ASPHD2: variants seen among roughly 807,000 people sequenced by gnomAD.
ASPHD2 encodes aspartate beta-hydroxylase domain containing 2.
In ASPHD2, 12 loss-of-function variants were observed where a neutral mutation model predicts 34.6. The ratio of observed to expected loss-of-function variants is 0.35; its 90% CI spans 0.22 to 0.56. ASPHD2 has a LOEUF of 0.56. Among genes scored for constraint, ASPHD2 ranks in the 20% least tolerant of loss-of-function variants. ASPHD2 has a pLI of 0.87. For missense variants in ASPHD2, 375 were observed against 505.0 expected, an observed-to-expected ratio of 0.74 and a Z score of 2.47; for synonymous variants, 224 against 212.2, an observed-to-expected ratio of 1.06 and a Z score of -0.48.
At position 26,443,137 on chromosome 22, in the gene ASPHD2, T is replaced by C. The variant is rs180855742; in HGVS notation, c.1041T>C (p.Asp347=). The C allele has an allele frequency of 7.4e-4, 1,196 of 1,614,100 alleles. 16 individuals are homozygous for C. The East Asian group carries it at 0.025, about 34-fold the overall frequency. Residue 347 remains aspartate, a synonymous_variant, in exon 4 of 4, where the codon GAT becomes GAC. Coordinates refer to ENST00000215906, the MANE Select transcript of ASPHD2 (RefSeq NM_020437.5). ...GCCCACGGGTGGTTTTCATGGTGGA[T>C]TTGTGGCATCCAAACGTCGCAGCGG... is the stretch of plus-strand genomic sequence containing the variant. The part of the protein sequence containing the change: ...EDGPRVVFMV[D]LWHPNVAAAE...
chr22:26,437,408 C>G (rs1160698846), intron 2 of ASPHD2, among the ~76,000 whole-genome samples: 1 of 152,232 alleles, frequency 6.6e-6, no homozygotes, highest in African/African-American at 2.4e-5. Context: ...TTGCTGAGCC[C>G]TGCTGTGAGC....
In ASPHD2 at chr22:26,443,177, C is replaced by G. The variant is rs374053512; in HGVS notation, c.1081C>G (p.Leu361Val). 106 of 1,613,972 alleles carry G rather than the reference C, an allele frequency of 6.6e-5. No homozygotes were observed. The highest frequency in any genetic ancestry group is 8.7e-5 in the Non-Finnish European group (103 of 1,180,010). Reference sequence around the variant, plus strand: ...CGTCGCAGCGGCCGAACGGCAGGCTCTTGATTTCATCTTTGCTCCGGGACG... The same window carrying G: ...CGTCGCAGCGGCCGAACGGCAGGCTGTTGATTTCATCTTTGCTCCGGGACG... ...PNVAAAERQALDFIFAPGR is the reference protein window; with the variant it reads ...PNVAAAERQAVDFIFAPGR The change falls in exon 4 of 4, where the codon CTT becomes GTT. Residue 361 changes from leucine to valine, a missense_variant. Physicochemically the swap from Leu to Val is conservative, Grantham distance 32 (BLOSUM62 1). Transcript: ENST00000215906.
At chr22:26,437,740 C>T (rs1361379333) in intron 2 of ASPHD2, among the ~76,000 whole-genome samples, 1 of 152,164 alleles carries the variant, frequency 6.6e-6, no homozygotes, top group African/African-American at 2.4e-5. Flanking sequence ...CCCTTGCCCA[C>T]CCTGAGTGCC....
At chr22:26,434,570 C>T (rs1601701000) in intron 2 of ASPHD2, 69 bp downstream of exon 2, 9 of 1,483,146 alleles carry the variant, frequency 6.1e-6, no homozygotes, top group Admixed American at 4.7e-5. Context: ...ATCAAAACAT[C>T]GCGAAAGCTC....
rs1385754883 is a variant in ASPHD2 at position 26,444,219 on chromosome 22, T to C, written c.*1013T>C. 1 of 149,740 alleles carries C rather than the reference T, an allele frequency of 6.7e-6. No homozygotes were observed. Among genetic ancestry groups the C allele is most frequent in the Non-Finnish European group, 1.5e-5 (1 of 67,468 alleles). 9.3% of individuals were successfully genotyped at this position (149,740 alleles called of 1,614,324 possible). Reference sequence around the variant, plus strand: ...GTTTCTGTTTTGCTTTGGAGTTCTGTTGCCTATGTTTTTTTTTTTTTCATT... The same window carrying C: ...GTTTCTGTTTTGCTTTGGAGTTCTGCTGCCTATGTTTTTTTTTTTTTCATT... On this transcript the variant is annotated 3_prime_UTR_variant, in exon 4 of 4. Coordinates refer to ENST00000215906, the MANE Select transcript of ASPHD2 (RefSeq NM_020437.5).
chr22:26,432,139 G>A (rs1251592235), intron 1 of ASPHD2, among the ~76,000 whole-genome samples: 1 of 152,218 alleles, frequency 6.6e-6, no homozygotes, highest in Non-Finnish European at 1.5e-5. Flanking sequence ...AGGTTGTGGT[G>A]AGCCAAGATT....
Position 26,434,085 on chromosome 22 carries a change from A to G in ASPHD2, c.470A>G (p.Asn157Ser). ...KGIREQGRYLNSRPSIQKPEV... is the reference protein window; with the variant it reads ...KGIREQGRYLSSRPSIQKPEV... Reference sequence around the variant, plus strand: ...ATCCGCGAGCAGGGCCGGTACCTCAACAGCCGGCCCTCCATCCAGAAGCCC... The same window carrying G: ...ATCCGCGAGCAGGGCCGGTACCTCAGCAGCCGGCCCTCCATCCAGAAGCCC... The change falls in exon 2 of 4, where the codon AAC becomes AGC. Residue 157 changes from asparagine (N) to serine (S), a missense_variant. Coordinates refer to ENST00000215906, the MANE Select transcript of ASPHD2 (RefSeq NM_020437.5). 6.2e-7 allele frequency: 1 copy of G among 1,613,244 alleles called. No homozygotes were observed. The highest frequency in any genetic ancestry group is 8.5e-7 in the Non-Finnish European group (1 of 1,179,822).
chr22:26,441,313 C>CA (rs34240227), intron 2 of ASPHD2, among the ~76,000 whole-genome samples: 3 of 150,636 alleles, frequency 2.0e-5, no homozygotes, highest in Non-Finnish European at 4.4e-5. Flanking sequence ...CCCATCTTTA[C>CA]AAAAAAAAGT....
rs1481138017 is a variant in ASPHD2 at position 26,438,638 on chromosome 22, TATATATACACATAC to T, written c.887-3813_887-3800del. On this transcript the variant is annotated intron_variant, in intron 2 of 3. Coordinates refer to ENST00000215906, the MANE Select transcript of ASPHD2 (RefSeq NM_020437.5). Reference sequence around the variant, plus strand: ...ATATATACACACATATATATACATATATATATACACATACATATATATATATACACATACATACA... The same window carrying T: ...ATATATACACACATATATATACATATATATATATATATACACATACATACA... 3.1e-4 allele frequency among the ~76,000 whole-genome samples: 11 copies of T among 35,954 alleles called. 1 individual carries two copies. The highest frequency in any genetic ancestry group is 2.5e-3 in the South Asian group (2 of 794). 23.6% of individuals were successfully genotyped at this position (35,954 alleles called of 152,430 possible).
Position 26,433,488 on chromosome 22 carries a change from C to T in ASPHD2, c.-128C>T, listed in dbSNP as rs1601699986. 37 of 698,776 alleles carry T rather than the reference C, an allele frequency of 5.3e-5. No individual in the cohort carries two copies. The highest frequency in any genetic ancestry group is 4.9e-4 in the East Asian group (18 of 36,418). The allele number at this position is 698,776 out of a possible 1,614,324, so 43.3% of individuals were successfully genotyped here. ...TCCACCCCACTGCAGTGACTTTTGC[C>T]GGAAAGTGGAGCAGTGGGCACGGCC... is the stretch of plus-strand genomic sequence containing the variant. On this transcript the variant is annotated 5_prime_UTR_variant, in exon 2 of 4. Coordinates refer to ENST00000215906, the MANE Select transcript of ASPHD2 (RefSeq NM_020437.5). This position sits in a 1 kb window ranked among gnomAD's most constrained non-coding sequence, Gnocchi z 5.1.
chr22:26,437,751 C>T (rs566732141), intron 2 of ASPHD2, among the ~76,000 whole-genome samples: 6 of 152,094 alleles, frequency 3.9e-5, no homozygotes, highest in African/African-American at 9.7e-5. Context: ...CCTGAGTGCC[C>T]GGTTGCCAGC....
intron 2 of ASPHD2, among the ~76,000 whole-genome samples, chr22:26,441,962 G>C (rs1272188007): frequency 6.6e-6 from 1 of 150,942 alleles, no homozygotes; most frequent in East Asian, 2.0e-4. Context: ...TGAGGTGGTG[G>C]GTGCCTGTAA....
In ASPHD2 at chr22:26,433,793, G is replaced by T. The variant is rs1337610242; in HGVS notation, c.178G>T (p.Ala60Ser). The T allele has an allele frequency of 2.5e-6, 4 of 1,613,716 alleles. No individual in the cohort carries two copies. Among genetic ancestry groups the T allele is most frequent in the East Asian group, 2.2e-5 (1 of 44,894 alleles). ...GTCCGTGCGGGACTGCGACACCACC[G>T]CTGTCATCACTGTGGCCTGCCTCCT... ...IQSVRDCDTT[A>S]VITVACLLVL... Residue 60 changes from alanine to serine, a missense_variant, in exon 2 of 4, where the codon GCT becomes TCT. Ala to Ser is a moderately conservative substitution (Grantham distance 99). Coordinates refer to ENST00000215906, the MANE Select transcript of ASPHD2 (RefSeq NM_020437.5). This position sits in a 1 kb window ranked among gnomAD's most constrained non-coding sequence, Gnocchi z 5.1.
chr22:26,438,674 T>TACACAC (rs545259150), intron 2 of ASPHD2, among the ~76,000 whole-genome samples: 1 of 122,532 alleles, frequency 8.2e-6, no homozygotes, highest in East Asian at 2.2e-4. Context: ...TACACATACA[T>TACACAC]ACATACACAC....
In ASPHD2 at chr22:26,429,307, G is replaced by C. The variant is rs1488845348; in HGVS notation, c.-404G>C. 2.0e-5 allele frequency: 3 copies of C among 147,036 alleles called. No homozygotes were observed. Among genetic ancestry groups the C allele is most frequent in the African/African-American group, 4.9e-5 (2 of 40,576 alleles). 9.1% of individuals were successfully genotyped at this position (147,036 alleles called of 1,614,324 possible). A position where few individuals can be genotyped will look rare whatever the true frequency, so the allele number is the denominator to read the frequency against. ...CGGAGCGCAGCGCGGCGTCGGCACCGGCAGGGGCACCGGCGCGGCTTAGGC... is the reference window on the plus strand; with the variant it reads ...CGGAGCGCAGCGCGGCGTCGGCACCCGCAGGGGCACCGGCGCGGCTTAGGC... On this transcript the variant is annotated 5_prime_UTR_variant, in exon 1 of 4. Transcript: ENST00000215906. This position sits in a 1 kb window ranked among gnomAD's most constrained non-coding sequence, Gnocchi z 4.5.
At chr22:26,436,625 T>C (rs1018844140) in intron 2 of ASPHD2, among the ~76,000 whole-genome samples, 34 of 152,268 alleles carry the variant, frequency 2.2e-4, no homozygotes, top group African/African-American at 6.5e-4. Context: ...GGCTTGAGAA[T>C]GGAGGCCGTG....
At chr22:26,434,690 A>G (rs2084780169) in intron 2 of ASPHD2, among the ~76,000 whole-genome samples, 189 bp downstream of exon 2, 1 of 152,262 alleles carries the variant, frequency 6.6e-6, no homozygotes, top group Non-Finnish European at 1.5e-5. Flanking sequence ...TCTTGTGATC[A>G]GTGCAAACCT....
At chr22:26,438,524 T>TACATACATATATAC (rs1226436284) in intron 2 of ASPHD2, among the ~76,000 whole-genome samples, 79 of 67,814 alleles carry the variant, frequency 1.2e-3, no homozygotes, top group African/African-American at 4.5e-3. Context: ...TACATATATA[T>TACATACATATATAC]ACATACATAT....
At chr22:26,434,699 CTAAT>C (rs2084780214) in intron 2 of ASPHD2, among the ~76,000 whole-genome samples, 198 bp downstream of exon 2, 1 of 152,206 alleles carries the variant, frequency 6.6e-6, no homozygotes, top group African/African-American at 2.4e-5. Flanking sequence ...CAGTGCAAAC[CTAAT>C]TTCTGACAGC....
Sources: allele counts gnomAD v4.1 joint callset (sites outside exome capture counted in the v4.1 genomes callset), GRCh38; gene constraint gnomAD v4.1.1; non-coding constraint Gnocchi (gnomAD v3.1); transcripts MANE v1.5; gene names NCBI Gene and HGNC (gene_info 2026-07-23, HGNC 2026-07-21).